The following CUX2 variants were observed in gnomAD, a reference collection of about 807,000 sequenced individuals.
CUX2 encodes the protein cut like homeobox 2.
In CUX2, 40 loss-of-function variants were observed where a neutral mutation model predicts 144.8. The ratio of observed to expected loss-of-function variants is 0.28; its 90% CI spans 0.21 to 0.36. The LOEUF is 0.36. CUX2 is among the 10% of genes least tolerant of loss of function. The pLI, the probability that CUX2 is intolerant of heterozygous loss-of-function variation, is 1.00. For missense variants in CUX2, 1,615 were observed against 1,994.0 expected, an observed-to-expected ratio of 0.81 and a Z score of 3.62; for synonymous variants, 827 against 875.6, an observed-to-expected ratio of 0.94 and a Z score of 0.98.
At chr12:111,115,798 A>T (rs1874262819) in intron 1 of CUX2, among the ~76,000 whole-genome samples, 1 of 152,156 alleles carries the variant, frequency 6.6e-6, no homozygotes, top group African/African-American at 2.4e-5. Flanking sequence ...TAATGTGAGT[A>T]TCTGTTTTGC....
At chr12:111,063,069 G>A (rs2136022747) in intron 1 of CUX2, among the ~76,000 whole-genome samples, 1 of 152,294 alleles carries the variant, frequency 6.6e-6, no homozygotes, top group South Asian at 2.1e-4. Flanking sequence ...CCTGGGCTGG[G>A]AGACCTGGCC....
At chr12:111,073,874 T>A (rs1211550960) in intron 1 of CUX2, among the ~76,000 whole-genome samples, 1 of 151,928 alleles carries the variant, frequency 6.6e-6, no homozygotes, top group African/African-American at 2.4e-5. Flanking sequence ...GGCAGGAGAA[T>A]GTCTTGAGGA....
Position 111,034,976 on chromosome 12 carries a change from G to A in CUX2, c.63+736G>A, listed in dbSNP as rs1209545032. Among the ~76,000 whole-genome samples, 1 of 151,926 alleles carries A rather than the reference G, an allele frequency of 6.6e-6. No homozygotes were observed. The highest frequency in any genetic ancestry group is 6.5e-5 in the Admixed American group (1 of 15,270). On this transcript the variant is annotated intron_variant, in intron 1 of 21. Transcript: ENST00000261726. The surrounding 1 kb of genome is among the most constrained non-coding windows in gnomAD (Gnocchi z 4.2). ...TCTTGCTTCTTGCCTTTACCCCCCC[G>A]CCCCTTCCATCCCCTTCCCAAGTCT...
At chr12:111,146,130 G>A (rs928487549) in intron 1 of CUX2, among the ~76,000 whole-genome samples, 1 of 152,194 alleles carries the variant, frequency 6.6e-6, no homozygotes, top group African/African-American at 2.4e-5. Flanking sequence ...TCTACCACCA[G>A]CAACACGCCC....
intron 18 of CUX2, among the ~76,000 whole-genome samples, chr12:111,328,039 T>C (rs1036206858): frequency 6.6e-6 from 1 of 151,940 alleles, no homozygotes; most frequent in Middle Eastern, 3.4e-3. Flanking sequence ...GTCTGGACAA[T>C]AGAGCGAGAC....
Position 111,263,748 on chromosome 12 carries a change from G to T in CUX2, c.223-13G>T, listed in dbSNP as rs1483871243. On this transcript the variant is annotated splice_polypyrimidine_tract_variant and intron_variant, in intron 3 of 21. Transcript: ENST00000261726. The surrounding 1 kb of genome is among the most constrained non-coding windows in gnomAD (Gnocchi z 4.0). Reference sequence around the variant, plus strand: ...ATGGTTACACGTGACTCTTTCTCTTGTTGTCTCCAAAGGTGGTGGCCCTTA... The same window carrying T: ...ATGGTTACACGTGACTCTTTCTCTTTTTGTCTCCAAAGGTGGTGGCCCTTA... 25 of 1,610,262 alleles carry T rather than the reference G, an allele frequency of 1.6e-5. No individual in the cohort carries two copies. The highest frequency in any genetic ancestry group is 2.0e-5 in the Non-Finnish European group (24 of 1,176,668).
chr12:111,175,789 C>G (rs759903461), intron 1 of CUX2, among the ~76,000 whole-genome samples: 19 of 151,734 alleles, frequency 1.3e-4, no homozygotes, highest in Non-Finnish European at 2.2e-4. Context: ...TTTTCACCGC[C>G]GGTTGCAATG....
rs1869296381 is a variant in CUX2, at chr12:111,034,251, G to A, written c.63+11G>A. ...CTACGGCGACTCCAGGTTAGTGCGG[G>A]CAGCGCCGGCCGCGCGGCCGTGAGG... On this transcript the variant is annotated intron_variant, in intron 1 of 21. Transcript: ENST00000261726. The surrounding 1 kb of genome is among the most constrained non-coding windows in gnomAD (Gnocchi z 4.2). 1 of 1,350,434 alleles carries A rather than the reference G, an allele frequency of 7.4e-7. No individual in the cohort carries two copies. Among genetic ancestry groups the A allele is most frequent in the Non-Finnish European group, 9.8e-7 (1 of 1,019,650 alleles). 83.7% of individuals were successfully genotyped at this position (1,350,434 alleles called of 1,614,324 possible).
At chr12:111,227,992 C>T (rs868069766) in intron 3 of CUX2, among the ~76,000 whole-genome samples, 6 of 152,144 alleles carry the variant, frequency 3.9e-5, no homozygotes, top group South Asian at 2.1e-4. Context: ...AATCACGTTA[C>T]GGTTGAGTTT....
chr12:111,158,459 A>G lies in CUX2; in HGVS notation c.64-55741A>G, dbSNP rs149151105. Among the ~76,000 whole-genome samples, 1,141 of 150,622 alleles carry G rather than the reference A, an allele frequency of 7.6e-3. 17 individuals are homozygous for G. Among genetic ancestry groups the G allele is most frequent in the African/African-American group, 0.026 (1,061 of 40,970 alleles). ...CCAGTCTCTACCAAAAAAAAAAAAG[A>G]ATTAATTTTTATTAAAAAAAAAAAA... is the stretch of plus-strand genomic sequence containing the variant. On this transcript the variant is annotated intron_variant, in intron 1 of 21. Transcript: ENST00000261726.
intron 1 of CUX2, among the ~76,000 whole-genome samples, chr12:111,094,511 T>G (rs1232052499): frequency 6.6e-6 from 1 of 152,186 alleles, no homozygotes; most frequent in Non-Finnish European, 1.5e-5. Context: ...TCCACCTTTT[T>G]TCTTTGAGAC....
chr12:111,320,150 T>A lies in CUX2; in HGVS notation c.2141T>A (p.Met714Lys), dbSNP rs1011710649. ...GCGCAACAGCAGGCGCTGCTGGAGATGGAGGTGGCGCCCAGGGGCCGCTCG... is the reference window on the plus strand; with the variant it reads ...GCGCAACAGCAGGCGCTGCTGGAGAAGGAGGTGGCGCCCAGGGGCCGCTCG... ...MQAQQQALLE[M>K]EVAPRGRSVP... The change falls in exon 17 of 22, where the codon ATG becomes AAG. Residue 714 changes from methionine (M) to lysine (K), a missense_variant. By Grantham distance (95) the Met-to-Lys change is moderately conservative (BLOSUM62 -1). Around this residue, in one of 12 missense-constraint regions of CUX2, gnomAD observed 390 missense variants for 387.1 expected, o/e 1.01. Transcript: ENST00000261726. This position sits in a 1 kb window ranked among gnomAD's most constrained non-coding sequence, Gnocchi z 8.1. 1.3e-6 allele frequency: 2 copies of A among 1,548,764 alleles called. No homozygotes were observed. Among genetic ancestry groups the A allele is most frequent in the South Asian group, 2.4e-5 (2 of 84,682 alleles).
At chr12:111,067,148 T>C (rs1280430261) in intron 1 of CUX2, among the ~76,000 whole-genome samples, 2 of 152,166 alleles carry the variant, frequency 1.3e-5, no homozygotes, top group East Asian at 3.9e-4. Flanking sequence ...CCTTTCTTCA[T>C]GCTTTCCACC....
intron 1 of CUX2, among the ~76,000 whole-genome samples, chr12:111,169,942 C>T (rs780572320): frequency 1.2e-4 from 19 of 152,096 alleles, no homozygotes; most frequent in Non-Finnish European, 2.6e-4. Context: ...GCAGGGAGCC[C>T]GCTAGAGATT....
In CUX2 at chr12:111,130,600, C is replaced by A. The variant is rs542502261; in HGVS notation, c.64-83600C>A. Among the ~76,000 whole-genome samples, 3 of 152,256 alleles carry A rather than the reference C, an allele frequency of 2.0e-5. No homozygotes were observed. The South Asian group carries it at 6.2e-4, about 32-fold the overall frequency. On this transcript the variant is annotated intron_variant, in intron 1 of 21. Transcript: ENST00000261726. ...CTCTTCAAGGATGATGGGGCTCCCC[C>A]AAAAAATTTATTTCTCACAGTGTTG...
At position 111,334,658 on chromosome 12, in the gene CUX2, C is replaced by T; in HGVS notation, c.3144C>T (p.Asp1048=). 1 of 1,613,856 alleles carries T rather than the reference C, an allele frequency of 6.2e-7. No homozygotes were observed. The highest frequency in any genetic ancestry group is 1.1e-5 in the South Asian group (1 of 91,068). Residue 1048 remains aspartate, a synonymous_variant, in exon 19 of 22, where the codon GAC becomes GAT. Coordinates refer to ENST00000261726, the MANE Select transcript of CUX2 (RefSeq NM_015267.4). ...QEIVAMSPEL[D]TYSITKRVKE... is the part of the protein sequence containing the mutation. ...TCGTGGCCATGTCCCCCGAGCTGGA[C>T]ACGTACTCCATCACCAAGAGGGTGA... is the stretch of plus-strand genomic sequence containing the variant.
chr12:111,166,906 T>G (rs1383843139), intron 1 of CUX2, among the ~76,000 whole-genome samples: 1 of 152,196 alleles, frequency 6.6e-6, no homozygotes, highest in African/African-American at 2.4e-5. Context: ...TCTTGGCCAC[T>G]TGCCCCTTGG....
chr12:111,271,890 G>A (rs1227201986), intron 4 of CUX2, among the ~76,000 whole-genome samples: 1 of 152,134 alleles, frequency 6.6e-6, no homozygotes, highest in Non-Finnish European at 1.5e-5. Context: ...AGGTATACAT[G>A]TTTCATATAT....
chr12:111,337,364 A>AG (rs1555218390), intron 19 of CUX2, among the ~76,000 whole-genome samples: 7 of 151,684 alleles, frequency 4.6e-5, no homozygotes, highest in African/African-American at 1.5e-4. Flanking sequence ...AAAAAAAAAA[A>AG]AAAAGAAAAG....
Sources: allele counts gnomAD v4.1 joint callset (sites outside exome capture counted in the v4.1 genomes callset), GRCh38; gene constraint gnomAD v4.1.1; regional missense constraint gnomAD v4.1.1; non-coding constraint Gnocchi (gnomAD v3.1); transcripts MANE v1.5; gene names NCBI Gene and HGNC (gene_info 2026-07-23, HGNC 2026-07-21).